The following EXOC4 variants were observed in gnomAD, a reference collection of about 807,000 sequenced individuals.
The protein encoded by EXOC4 is SEC8-like 1.
EXOC4 carries 71 observed loss-of-function variants against 107.2 expected under a neutral mutation model. That is an observed-to-expected ratio of 0.66 (90% confidence interval 0.55 to 0.81). The LOEUF is 0.81. Among genes scored for constraint, EXOC4 ranks in the 30% least tolerant of loss-of-function variants. The pLI, the probability that EXOC4 is intolerant of heterozygous loss-of-function variation, is 0.00. For missense variants in EXOC4, 1,108 were observed against 1,189.6 expected (o/e 0.93, Z 1.01); for synonymous variants, 456 against 441.2 (o/e 1.03, Z -0.42).
At chr7:134,014,136 G>A (rs977738306) in intron 17 of EXOC4, among the ~76,000 whole-genome samples, 4 of 152,198 alleles carry the variant, frequency 2.6e-5, no homozygotes, top group African/African-American at 9.7e-5. Flanking sequence ...GGGCGCGGTG[G>A]CTCACGCCTG....
intron 9 of EXOC4, among the ~76,000 whole-genome samples, chr7:133,585,021 T>A (rs531865796): frequency 2.0e-5 from 3 of 152,250 alleles, no homozygotes; most frequent in Non-Finnish European, 4.4e-5. Flanking sequence ...CTATCTAATT[T>A]ATTTTTTTGA....
chr7:133,701,225 T>G (rs776938622), intron 10 of EXOC4, among the ~76,000 whole-genome samples: 1 of 151,870 alleles, frequency 6.6e-6, no homozygotes, highest in Non-Finnish European at 1.5e-5. Flanking sequence ...CAAATAGCTC[T>G]TACATGCCCC....
At chr7:133,521,266 T>C (rs1799972534) in intron 9 of EXOC4, among the ~76,000 whole-genome samples, 1 of 152,210 alleles carries the variant, frequency 6.6e-6, no homozygotes, top group Admixed American at 6.5e-5. Context: ...TTATCTTTTG[T>C]ATTAGTTGTA....
At chr7:133,667,586 C>T (rs1049010948) in intron 10 of EXOC4, among the ~76,000 whole-genome samples, 6 of 152,166 alleles carry the variant, frequency 3.9e-5, no homozygotes, top group Non-Finnish European at 7.3e-5. Flanking sequence ...TAGTTTTCCA[C>T]TTTGTACTTG....
intron 17 of EXOC4, among the ~76,000 whole-genome samples, chr7:134,059,373 G>T (rs1394517464): frequency 6.6e-6 from 1 of 152,112 alleles, no homozygotes; most frequent in Non-Finnish European, 1.5e-5. Context: ...TTTATGAAAA[G>T]CTCTTAAAGA....
At chr7:133,312,340 T>G (rs1288764990) in intron 4 of EXOC4, among the ~76,000 whole-genome samples, 2 of 152,200 alleles carry the variant, frequency 1.3e-5, no homozygotes, top group East Asian at 1.9e-4. Context: ...AACTTAAATA[T>G]GTATACTTTA....
intron 9 of EXOC4, among the ~76,000 whole-genome samples, chr7:133,512,336 G>C (rs943436887): frequency 6.6e-6 from 1 of 152,074 alleles, no homozygotes; most frequent in Admixed American, 6.5e-5. Context: ...AACTAAGGCA[G>C]TAGAATCACT....
the EXOC4 span, among the ~76,000 whole-genome samples, chr7:134,073,219 A>AAC: frequency 2.2e-5 from 1 of 45,776 alleles, no homozygotes; most frequent in Non-Finnish European, 3.6e-5. Flanking sequence ...AAAAAAAAAA[A>AAC]AAAAAAAAAA....
intron 1 of EXOC4, among the ~76,000 whole-genome samples, chr7:133,258,093 T>G (rs1795058811): frequency 6.6e-6 from 1 of 152,236 alleles, no homozygotes; most frequent in Non-Finnish European, 1.5e-5. Context: ...CTAGCTCTCT[T>G]TGTACCCTGG....
intron 7 of EXOC4, among the ~76,000 whole-genome samples, chr7:133,377,938 G>C (rs745900444): frequency 2.6e-5 from 4 of 152,094 alleles, no homozygotes; most frequent in Admixed American, 6.6e-5. Flanking sequence ...TTAAAATGAA[G>C]CTGAAATAGA....
intron 9 of EXOC4, among the ~76,000 whole-genome samples, chr7:133,494,555 C>CT (rs1352887655): frequency 2.0e-5 from 3 of 152,206 alleles, no homozygotes; most frequent in Non-Finnish European, 4.4e-5. Flanking sequence ...TCCATATCCA[C>CT]TTAAATATGT....
At chr7:133,708,734 G>A (rs1276073621) in intron 10 of EXOC4, among the ~76,000 whole-genome samples, 1 of 152,158 alleles carries the variant, frequency 6.6e-6, no homozygotes, top group African/African-American at 2.4e-5. Flanking sequence ...AACTGGAAAG[G>A]TAATTGATGT....
chr7:134,022,162 T>G (rs199752699), intron 17 of EXOC4, among the ~76,000 whole-genome samples: 1 of 152,238 alleles, frequency 6.6e-6, no homozygotes, highest in East Asian at 1.9e-4. Context: ...TCAGCTTTTC[T>G]CTGTTCTATG....
chr7:133,490,274 T>G (rs998776605), intron 9 of EXOC4, among the ~76,000 whole-genome samples: 1 of 152,198 alleles, frequency 6.6e-6, no homozygotes, highest in African/African-American at 2.4e-5. Context: ...TTTTGATTCA[T>G]GTTACATGCA....
rs187816429 is a variant in EXOC4, at chr7:133,640,162, T to C, written c.1514+10021T>C. On this transcript the variant is annotated intron_variant, in intron 10 of 17. Transcript: ENST00000253861. ...GATATTAGACATCGACATAGATCAT[T>C]TTCAGTACCCTAGAAGACTTGCTTA... 4.8e-3 allele frequency among the ~76,000 whole-genome samples: 730 copies of C among 152,302 alleles called. 3 individuals are homozygous for C. The highest frequency in any genetic ancestry group is 0.017 in the Middle Eastern group (5 of 294).
intron 9 of EXOC4, among the ~76,000 whole-genome samples, chr7:133,583,317 A>C (rs189049099): frequency 1.3e-5 from 2 of 152,222 alleles, no homozygotes; most frequent in African/African-American, 4.8e-5. Flanking sequence ...GTGGCCTACT[A>C]TTTTATGCAT....
At chr7:133,410,282 A>G (rs1054749211) in intron 7 of EXOC4, among the ~76,000 whole-genome samples, 11 of 152,216 alleles carry the variant, frequency 7.2e-5, no homozygotes, top group African/African-American at 2.4e-4. Flanking sequence ...GAGGGAGGGA[A>G]TAAAGCATTA....
chr7:133,305,048 G>A (rs1794720737), intron 3 of EXOC4, among the ~76,000 whole-genome samples: 1 of 151,368 alleles, frequency 6.6e-6, no homozygotes, highest in Non-Finnish European at 1.5e-5. Flanking sequence ...TGAATAAATG[G>A]GATCATATCA....
At chr7:133,971,361 T>TATATATATAG (rs1489958236) in intron 14 of EXOC4, among the ~76,000 whole-genome samples, 369 of 75,012 alleles carry the variant, frequency 4.9e-3, no homozygotes, top group Non-Finnish European at 6.3e-3. Flanking sequence ...TATATATATA[T>TATATATATAG]AGAGAGAGAG....
Sources: gnomAD v4.1 joint callset for allele counts (sites outside exome capture counted in the v4.1 genomes callset) on GRCh38, gnomAD v4.1.1 for gene constraint, MANE v1.5 for transcripts, NCBI Gene and HGNC (gene_info 2026-07-23, HGNC 2026-07-21) for gene names.